Variants in ATG2B observed in about 807,000 individuals in gnomAD.
ATG2B encodes the protein autophagy-related protein 2 homolog B.
In ATG2B, 121 loss-of-function variants were observed where a neutral mutation model predicts 241.3. That is an observed-to-expected ratio of 0.50 (90% CI 0.43 to 0.58). The LOEUF (loss-of-function observed/expected upper bound fraction) is 0.58, where lower values mean the gene tolerates loss of function less well. Ranked by LOEUF, ATG2B falls within the 20% of genes least tolerant of loss-of-function variation. The pLI is 0.00. For missense variants in ATG2B, 2,306 were observed against 2,491.6 expected (o/e 0.93, Z 1.59); for synonymous variants, 858 against 876.6 (o/e 0.98, Z 0.37).
intron 28 of ATG2B, among the ~76,000 whole-genome samples, chr14:96,310,236 C>T (rs1320788536): frequency 3.3e-5 from 5 of 152,062 alleles, no homozygotes; most frequent in Admixed American, 6.5e-5. Flanking sequence ...AAATAGTAGG[C>T]GGGGTGTCAT....
At chr14:96,359,109 C>T (rs535083130) in intron 1 of ATG2B, among the ~76,000 whole-genome samples, 11 of 152,004 alleles carry the variant, frequency 7.2e-5, no homozygotes, top group Non-Finnish European at 1.2e-4. Flanking sequence ...TGGTGGCTCA[C>T]GTCTGTAATC....
chr14:96,355,435 T>C (rs1041871625), intron 1 of ATG2B, among the ~76,000 whole-genome samples: 3 of 152,174 alleles, frequency 2.0e-5, no homozygotes, highest in Non-Finnish European at 4.4e-5. Flanking sequence ...ATCAGATAGT[T>C]GCAGGTGTGA....
chr14:96,334,527 A>G, intron 6 of ATG2B, 26 bp from the exon 7 acceptor site: 1 of 1,352,030 alleles, frequency 7.4e-7, no homozygotes, highest in Non-Finnish European at 1.0e-6. Flanking sequence ...AAAACTATTC[A>G]TGAGGAGTAT....
chr14:96,347,927 G>T (rs1287011057), intron 1 of ATG2B, among the ~76,000 whole-genome samples: 1 of 152,098 alleles, frequency 6.6e-6, no homozygotes. Context: ...CAATTTGGAG[G>T]TTCCTCAAAA....
Position 96,345,334 on chromosome 14 carries a change from T to C in ATG2B, c.377A>G (p.Gln126Arg). 1.2e-6 allele frequency: 2 copies of C among 1,613,232 alleles called. No homozygotes were observed. The highest frequency in any genetic ancestry group is 2.2e-5 in the South Asian group (2 of 90,970). The change falls in exon 3 of 42, where the codon CAA (glutamine) becomes CGA (arginine). Residue 126 changes from glutamine (Q) to arginine (R), a missense_variant. By Grantham distance (43) the Gln-to-Arg change is conservative (BLOSUM62 1). This residue lies in a region of ATG2B where 1,927 missense variants were observed against 2,011.2 expected (regional missense o/e 0.96). Coordinates refer to ENST00000359933, the MANE Select transcript of ATG2B (RefSeq NM_018036.7). ...CTGGCTAAGACATTCTTTTGCCAAT[T>C]GCATACTGCTGGTCATAAAACTTGA... is the stretch of plus-strand genomic sequence containing the variant. Reference protein sequence around the residue: ...YWSSFMTSSMQLAKECLSQKL... With the variant: ...YWSSFMTSSMRLAKECLSQKL...
rs751774947 is a variant in ATG2B at position 96,306,670 on chromosome 14, T to C, written c.4506+44A>G. ...TCCAGGTACCCTTTGGTCAATTCAT[T>C]TGTAACACCATTCAAGGCTTCAATA... On this transcript the variant is annotated intron_variant, in intron 30 of 41. Transcript: ENST00000359933. 1.6e-5 allele frequency: 25 copies of C among 1,536,418 alleles called. No homozygotes were observed. The Admixed American group carries it at 2.7e-4, about 17-fold the overall frequency.
intron 41 of ATG2B, among the ~76,000 whole-genome samples, chr14:96,286,767 C>CATT (rs1048092615): frequency 2.6e-5 from 4 of 151,900 alleles, no homozygotes; most frequent in South Asian, 2.1e-4. Context: ...AGCAACATTC[C>CATT]ATTATTATTA....
At position 96,290,222 on chromosome 14, in the gene ATG2B, G is replaced by C; in HGVS notation, c.5856+214C>G. The C allele has an allele frequency of 1.5e-6, 2 of 1,293,338 alleles. No individual in the cohort carries two copies. The highest frequency in any genetic ancestry group is 2.0e-4 in the Middle Eastern group (1 of 5,060). 80.1% of individuals were successfully genotyped at this position (1,293,338 alleles called of 1,614,324 possible). On this transcript the variant is annotated intron_variant, in intron 40 of 41. Transcript: ENST00000359933. The surrounding 1 kb of genome is among the most constrained non-coding windows in gnomAD (Gnocchi z 4.4). ...TAATGTTTACAATTTACCTGAAATAGGCAAACAAATCTGACACTGTATTCC... is the reference window on the plus strand; with the variant it reads ...TAATGTTTACAATTTACCTGAAATACGCAAACAAATCTGACACTGTATTCC...
chr14:96,281,084 C>G lies in ATG2B; in HGVS notation c.*4671G>C, dbSNP rs1886186254. 1.3e-5 allele frequency: 2 copies of G among 152,102 alleles called. No homozygotes were observed. Among genetic ancestry groups the G allele is most frequent in the South Asian group, 4.1e-4 (2 of 4,824 alleles). The allele number at this position is 152,102 out of a possible 1,614,324, so 9.4% of individuals were successfully genotyped here. The stretch of plus-strand genomic sequence containing the variant: ...AGGGAAGAACTGTTAAAACTCCATA[C>G]AGCTCAGCAATCAGTAGCAGACAGA... On this transcript the variant is annotated 3_prime_UTR_variant, in exon 42 of 42. Coordinates refer to ENST00000359933, the MANE Select transcript of ATG2B (RefSeq NM_018036.7).
At position 96,289,490 on chromosome 14, in the gene ATG2B, CT is replaced by C; in HGVS notation, c.6006+165del. On this transcript the variant is annotated intron_variant, in intron 41 of 41. Coordinates refer to ENST00000359933, the MANE Select transcript of ATG2B (RefSeq NM_018036.7). This position sits in a 1 kb window ranked among gnomAD's most constrained non-coding sequence, Gnocchi z 4.3. Reference sequence around the variant, plus strand: ...TCAGCCTATTGGTCCCAGACTGGCCCTTTTCCATCACCTCACACAGATATGG... The same window carrying C: ...TCAGCCTATTGGTCCCAGACTGGCCCTTTCCATCACCTCACACAGATATGG... 1 of 792,602 alleles carries C rather than the reference CT, an allele frequency of 1.3e-6. No homozygotes were observed. The highest frequency in any genetic ancestry group is 2.0e-6 in the Non-Finnish European group (1 of 502,594). The allele number at this position is 792,602 out of a possible 1,614,324, so 49.1% of individuals were successfully genotyped here.
chr14:96,362,863 GTCCAGGCTGAGCTGC>G lies in ATG2B; in HGVS notation c.99_113del (p.Glu33_Leu37del). The G allele has an allele frequency of 6.2e-7, 1 of 1,613,302 alleles. No individual in the cohort carries two copies. Among genetic ancestry groups the G allele is most frequent in the Non-Finnish European group, 8.5e-7 (1 of 1,179,962 alleles). ...CGAGGGACCCGGTGCCTTGGTACAGGTCCAGGCTGAGCTGCTCCAGGCTCAGCTTCTCCTGCAGAA... is the reference window on the plus strand; with the variant it reads ...CGAGGGACCCGGTGCCTTGGTACAGGTCCAGGCTCAGCTTCTCCTGCAGAA... On this transcript the variant is annotated inframe_deletion, in exon 1 of 42. Transcript: ENST00000359933.
rs760188965 is a variant in ATG2B, at chr14:96,280,733, T to C, written c.*5022A>G. ...TCGTCTCTACTAAAAAAACAAAAAA[T>C]TTGTGGGGCGTGGTGGCAGGTGCCT... On this transcript the variant is annotated 3_prime_UTR_variant, in exon 42 of 42. Transcript: ENST00000359933. The C allele has an allele frequency of 1.3e-5, 2 of 151,774 alleles. No individual in the cohort carries two copies. The highest frequency in any genetic ancestry group is 2.9e-5 in the Non-Finnish European group (2 of 67,988). 9.4% of individuals were successfully genotyped at this position (151,774 alleles called of 1,614,324 possible).
At chr14:96,301,564 C>T (rs762799440) in intron 34 of ATG2B, among the ~76,000 whole-genome samples, 2 of 152,184 alleles carry the variant, frequency 1.3e-5, no homozygotes, top group Non-Finnish European at 2.9e-5. Flanking sequence ...TAGGGAAAGT[C>T]TAAATCTCTG....
intron 1 of ATG2B, among the ~76,000 whole-genome samples, chr14:96,352,026 T>G (rs1277600143): frequency 6.6e-6 from 1 of 152,138 alleles, no homozygotes; most frequent in Non-Finnish European, 1.5e-5. Flanking sequence ...AAGTAACACT[T>G]AAAGCCCCAT....
chr14:96,349,914 C>G (rs944102833), intron 1 of ATG2B, among the ~76,000 whole-genome samples: 11 of 152,234 alleles, frequency 7.2e-5, no homozygotes, highest in Admixed American at 1.3e-4. Context: ...AACTCCAACA[C>G]TGGGAAGCCA....
rs1888037611 is a variant in ATG2B, at chr14:96,341,614, C to T, written c.832G>A (p.Ala278Thr). Residue 278 changes from alanine to threonine, a missense_variant, in exon 6 of 42, where the codon GCA becomes ACA. Transcript: ENST00000359933. ...PQLTRNLPEI[A>T]PSDPVQIGRL... The stretch of plus-strand genomic sequence containing the variant: ...CCAATCTGCACTGGGTCAGAAGGTG[C>T]TATCTCTGGTAAATTTCTAGTTAGC... The T allele has an allele frequency of 6.2e-7, 1 of 1,604,018 alleles. No individual in the cohort carries two copies. The highest frequency in any genetic ancestry group is 1.3e-5 in the African/African-American group (1 of 74,824).
At chr14:96,295,205 GCTT>G (rs748391859) in intron 35 of ATG2B, 38 bp from the exon 36 acceptor site, 29 of 1,511,866 alleles carry the variant, frequency 1.9e-5, no homozygotes, top group Non-Finnish European at 2.0e-5. Context: ...AATTAGATAT[GCTT>G]CTTCTTAGCA....
At chr14:96,301,937 A>G (rs1886802358) in intron 34 of ATG2B, 70 bp downstream of exon 34, 2 of 1,215,540 alleles carry the variant, frequency 1.6e-6, no homozygotes, top group African/African-American at 1.5e-5. Flanking sequence ...GATAAACATT[A>G]CAATTTCTTT....
At chr14:96,356,223 C>A (rs1888470805) in intron 1 of ATG2B, among the ~76,000 whole-genome samples, 1 of 151,814 alleles carries the variant, frequency 6.6e-6, no homozygotes, top group Non-Finnish European at 1.5e-5. Context: ...TTCATCAGCA[C>A]CTACTACAAA....
Sources: gnomAD v4.1 joint callset for allele counts (sites outside exome capture counted in the v4.1 genomes callset) on GRCh38, gnomAD v4.1.1 for gene constraint, gnomAD v4.1.1 regional missense constraint, Gnocchi (gnomAD v3.1) non-coding constraint, MANE v1.5 for transcripts, NCBI Gene and HGNC (gene_info 2026-07-23, HGNC 2026-07-21) for gene names.